Variants in LDLRAD4 observed in about 807,000 individuals in gnomAD.
LDLRAD4 encodes low-density lipoprotein receptor class A domain-containing protein 4.
In LDLRAD4, 5 loss-of-function variants were observed where a neutral mutation model predicts 17.0. That is an observed-to-expected ratio of 0.29 (90% CI 0.15 to 0.62). The LOEUF is 0.62. LDLRAD4 is among the 20% of genes least tolerant of loss of function. LDLRAD4 has a pLI of 0.84. For missense variants in LDLRAD4, 340 were observed against 424.7 expected (o/e 0.80, Z 1.75); for synonymous variants, 168 against 171.8 (o/e 0.98, Z 0.17).
intron 1 of LDLRAD4, among the ~76,000 whole-genome samples, chr18:13,348,968 C>T (rs1460931527): frequency 2.0e-5 from 3 of 152,202 alleles, no homozygotes; most frequent in Admixed American, 6.5e-5. Flanking sequence ...CAGGTGCCAT[C>T]TGTCACCCCT....
intron 1 of LDLRAD4, among the ~76,000 whole-genome samples, chr18:13,377,910 G>A (rs1482271840): frequency 6.6e-6 from 1 of 152,190 alleles, no homozygotes; most frequent in Non-Finnish European, 1.5e-5. Context: ...ATTGGATACC[G>A]AGTTGTGAAA....
chr18:13,535,739 T>TTGGG (rs2094193104), intron 3 of LDLRAD4, among the ~76,000 whole-genome samples: 1 of 152,208 alleles, frequency 6.6e-6, no homozygotes, highest in Non-Finnish European at 1.5e-5. Flanking sequence ...CAACCTAATG[T>TTGGG]CACAAAGATT....
chr18:13,222,616 C>T (rs561681360), intron 1 of LDLRAD4, among the ~76,000 whole-genome samples: 2 of 152,262 alleles, frequency 1.3e-5, no homozygotes, highest in African/African-American at 2.4e-5. Context: ...TGCAGCTGCG[C>T]AGAGGGCCTC....
chr18:13,391,684 A>AT (rs1555671854), intron 2 of LDLRAD4, among the ~76,000 whole-genome samples: 1 of 151,112 alleles, frequency 6.6e-6, no homozygotes, highest in African/African-American at 2.4e-5. Flanking sequence ...AGTCAAAAGA[A>AT]AAATAATTTC....
chr18:13,284,866 A>G (rs1358775111), intron 1 of LDLRAD4, among the ~76,000 whole-genome samples: 1 of 152,190 alleles, frequency 6.6e-6, no homozygotes, highest in African/African-American at 2.4e-5. Flanking sequence ...AGCTGGTGCC[A>G]GTGTTAACAG....
intron 3 of LDLRAD4, among the ~76,000 whole-genome samples, chr18:13,617,505 C>T (rs2040203353): frequency 6.6e-6 from 1 of 151,860 alleles, no homozygotes; most frequent in Admixed American, 6.6e-5. Flanking sequence ...TGTTTAGAGG[C>T]CATAAAGGAA....
chr18:13,446,585 T>C (rs953043198), intron 3 of LDLRAD4, among the ~76,000 whole-genome samples: 1 of 152,238 alleles, frequency 6.6e-6, no homozygotes, highest in Non-Finnish European at 1.5e-5. Flanking sequence ...AAGCTATCCC[T>C]TCTTCGATTG....
intron 2 of LDLRAD4, among the ~76,000 whole-genome samples, chr18:13,409,478 T>A (rs975605136): frequency 1.3e-5 from 2 of 152,382 alleles, no homozygotes; most frequent in Admixed American, 6.5e-5. Context: ...AGGAAGACTT[T>A]AAGCTACTGA....
chr18:13,283,422 C>G (rs1269063517), intron 1 of LDLRAD4, among the ~76,000 whole-genome samples: 3 of 152,206 alleles, frequency 2.0e-5, no homozygotes, highest in African/African-American at 4.8e-5. Flanking sequence ...ACCAGATACC[C>G]TAAATCATCT....
At chr18:13,525,819 A>G (rs1324696397) in intron 3 of LDLRAD4, among the ~76,000 whole-genome samples, 1 of 152,226 alleles carries the variant, frequency 6.6e-6, no homozygotes, top group Non-Finnish European at 1.5e-5. Flanking sequence ...AGGGGGCGGA[A>G]TGACCAGGAG....
At chr18:13,566,544 G>A (rs2094604952) in intron 3 of LDLRAD4, among the ~76,000 whole-genome samples, 1 of 152,018 alleles carries the variant, frequency 6.6e-6, no homozygotes, top group South Asian at 2.1e-4. Context: ...TGTATTTTTA[G>A]TAGAGACGGG....
chr18:13,312,841 T>C lies in LDLRAD4; in HGVS notation c.-383+34653T>C, dbSNP rs548779038. On this transcript the variant is annotated intron_variant, in intron 1 of 5. Transcript: ENST00000359446. ...CTTGAAAGTATATGAATGAGATACC[T>C]TAAATAATCATAGCGAAACCACTTG... Among the ~76,000 whole-genome samples the C allele has an allele frequency of 2.0e-4, 30 of 152,332 alleles. No homozygotes were observed. The South Asian group carries it at 2.9e-3, about 15-fold the overall frequency.
chr18:13,344,801 C>T (rs2082586406), intron 1 of LDLRAD4, among the ~76,000 whole-genome samples: 1 of 152,136 alleles, frequency 6.6e-6, no homozygotes, highest in Non-Finnish European at 1.5e-5. Context: ...CTTCACATCC[C>T]TTTTAAGTTG....
chr18:13,355,153 C>T (rs1435331730), intron 1 of LDLRAD4, among the ~76,000 whole-genome samples: 2 of 152,222 alleles, frequency 1.3e-5, no homozygotes, highest in African/African-American at 2.4e-5. Flanking sequence ...GAGGCGCGTG[C>T]TCCTGCACTT....
chr18:13,234,539 C>G (rs1199077680), intron 1 of LDLRAD4, among the ~76,000 whole-genome samples: 2 of 152,156 alleles, frequency 1.3e-5, no homozygotes, highest in African/African-American at 4.8e-5. Flanking sequence ...TCCACAGACT[C>G]GTAGGCCTGG....
intron 1 of LDLRAD4, among the ~76,000 whole-genome samples, chr18:13,364,360 C>A (rs2083903773): frequency 6.6e-6 from 1 of 151,868 alleles, no homozygotes; most frequent in African/African-American, 2.4e-5. Context: ...TTAAAAGAGA[C>A]AAGGTCTTGC....
At chr18:13,373,064 A>G (rs1428804979) in intron 1 of LDLRAD4, among the ~76,000 whole-genome samples, 1 of 152,154 alleles carries the variant, frequency 6.6e-6, no homozygotes, top group Non-Finnish European at 1.5e-5. Flanking sequence ...GTGTAAGCAC[A>G]TCTCTGTATT....
chr18:13,396,865 CTG>C, intron 2 of LDLRAD4, among the ~76,000 whole-genome samples: 1 of 152,328 alleles, frequency 6.6e-6, no homozygotes, highest in South Asian at 2.1e-4. Context: ...AATGTAGAAA[CTG>C]TGGATACAGA....
intron 1 of LDLRAD4, among the ~76,000 whole-genome samples, chr18:13,358,030 T>G (rs987274704): frequency 4.6e-5 from 7 of 152,208 alleles, no homozygotes; most frequent in African/African-American, 1.7e-4. Flanking sequence ...GGCCCTAGTC[T>G]TCTTTGATGG....
Sources: allele counts gnomAD v4.1 joint callset (sites outside exome capture counted in the v4.1 genomes callset), GRCh38; gene constraint gnomAD v4.1.1; transcripts MANE v1.5; gene names NCBI Gene and HGNC (gene_info 2026-07-23, HGNC 2026-07-21).